TNRC18: variants seen among roughly 807,000 people sequenced by gnomAD.
TNRC18 encodes trinucleotide repeat containing 18.
In TNRC18, 69 loss-of-function variants were observed where a neutral mutation model predicts 226.7. The observed-to-expected ratio is 0.30, with a 90% CI of 0.25 to 0.37. TNRC18 has a LOEUF of 0.37. TNRC18 is among the 10% of genes least tolerant of loss of function. TNRC18 has a pLI of 1.00. For missense variants in TNRC18, 4,754 were observed against 4,256.6 expected, an observed-to-expected ratio of 1.12 and a Z score of -3.25; for synonymous variants, 2,449 against 1,927.6, an observed-to-expected ratio of 1.27 and a Z score of -7.09.
rs545784036 is a variant in TNRC18 at position 5,394,823 on chromosome 7, G to A, written c.188-228C>T. On this transcript the variant is annotated intron_variant, in intron 2 of 29. Coordinates refer to ENST00000430969, the MANE Select transcript of TNRC18 (RefSeq NM_001080495.3). The surrounding 1 kb of genome is among the most constrained non-coding windows in gnomAD (Gnocchi z 4.5). ...CCCAGGGCTTGAGAAAGCACAATAC[G>A]GCAGGAAGCCCCCCACAGCAGACCC... Among the ~76,000 whole-genome samples the A allele has an allele frequency of 1.8e-4, 27 of 152,108 alleles. No individual in the cohort carries two copies. The highest frequency in any genetic ancestry group is 5.5e-4 in the African/African-American group (23 of 41,492).
At chr7:5,385,225 G>T (rs142993123) in intron 5 of TNRC18, among the ~76,000 whole-genome samples, 1 of 152,188 alleles carries the variant, frequency 6.6e-6, no homozygotes, top group Non-Finnish European at 1.5e-5. Context: ...GGTGGCTCAC[G>T]CCTGTAATCC....
intron 16 of TNRC18, among the ~76,000 whole-genome samples, chr7:5,353,067 G>C (rs748455864): frequency 2.0e-5 from 3 of 151,914 alleles, no homozygotes; most frequent in Non-Finnish European, 2.9e-5. Flanking sequence ...CCCAACCTCA[G>C]GATGGTCCGG....
chr7:5,312,479 G>T lies in TNRC18; in HGVS notation c.8388+24C>A. The T allele has an allele frequency of 1.2e-6, 2 of 1,606,880 alleles. No individual in the cohort carries two copies. Among genetic ancestry groups the T allele is most frequent in the Non-Finnish European group, 1.7e-6 (2 of 1,178,120 alleles). The stretch of plus-strand genomic sequence containing the variant: ...ACACAAGGCCCCCGGCCCCTCGGCC[G>T]TGCCCGGGCGCGAGCTTGCTCACCT... On this transcript the variant is annotated intron_variant, in intron 27 of 29. Transcript: ENST00000430969. This position sits in a 1 kb window ranked among gnomAD's most constrained non-coding sequence, Gnocchi z 6.3.
At chr7:5,355,518 A>G (rs867615268) in intron 16 of TNRC18, among the ~76,000 whole-genome samples, 24 of 152,326 alleles carry the variant, frequency 1.6e-4, no homozygotes, top group African/African-American at 5.5e-4. Flanking sequence ...TCGGGAGGCT[A>G]AAGTGGGATG....
chr7:5,360,431 T>C (rs776869367), intron 14 of TNRC18, among the ~76,000 whole-genome samples: 9 of 152,102 alleles, frequency 5.9e-5, no homozygotes, highest in Non-Finnish European at 1.3e-4. Flanking sequence ...GGTTTCTCCA[T>C]GTTGCCCAGG....
chr7:5,323,209 C>T (rs1218393310), intron 21 of TNRC18, among the ~76,000 whole-genome samples: 1 of 152,150 alleles, frequency 6.6e-6, no homozygotes, highest in Non-Finnish European at 1.5e-5. Flanking sequence ...GCTCCCCCAT[C>T]CATACCCACG....
chr7:5,378,819 G>A (rs1394246902), intron 5 of TNRC18, among the ~76,000 whole-genome samples: 1 of 152,104 alleles, frequency 6.6e-6, no homozygotes, highest in Non-Finnish European at 1.5e-5. Context: ...CCAAAAACTA[G>A]CCGGACCTGG....
Position 5,357,222 on chromosome 7 carries a change from G to C in TNRC18, c.4888C>G (p.Leu1630Val). ...ASDQEQLASK[L>V]DKALSLTKQD... ...TTGGTGAGGGAGAGGGCCTTGTCGA[G>C]CTTGCTTGCCAACTGCTCCTGGTCG... Residue 1630 changes from leucine to valine, a missense_variant, in exon 16 of 30, where the codon CTC becomes GTC. Leu to Val is a conservative substitution (Grantham distance 32). Coordinates refer to ENST00000430969, the MANE Select transcript of TNRC18 (RefSeq NM_001080495.3). 1.2e-6 allele frequency: 2 copies of C among 1,612,326 alleles called. No individual in the cohort carries two copies. The highest frequency in any genetic ancestry group is 1.7e-6 in the Non-Finnish European group (2 of 1,179,326).
intron 3 of TNRC18, among the ~76,000 whole-genome samples, chr7:5,393,826 G>A (rs1014030213): frequency 2.4e-4 from 36 of 152,270 alleles, no homozygotes; most frequent in African/African-American, 8.4e-4. Context: ...GGGCATGGCT[G>A]CAGAAATGCA....
intron 17 of TNRC18, among the ~76,000 whole-genome samples, chr7:5,350,870 G>A (rs747685726): frequency 1.8e-4 from 28 of 152,296 alleles, no homozygotes; most frequent in African/African-American, 3.1e-4. Context: ...CGGCAACGGA[G>A]CCGCTTTCGT....
chr7:5,395,275 G>A (rs1295457483), intron 2 of TNRC18, among the ~76,000 whole-genome samples: 1 of 152,176 alleles, frequency 6.6e-6, no homozygotes, highest in Non-Finnish European at 1.5e-5. Flanking sequence ...GATGAATGGA[G>A]CGGCAGGCGT....
At chr7:5,372,537 T>C (rs1583959494) in intron 10 of TNRC18, among the ~76,000 whole-genome samples, 1 of 148,660 alleles carries the variant, frequency 6.7e-6, no homozygotes. Context: ...AGACTCCATC[T>C]CTACTAAAAA....
rs559137846 is a variant in TNRC18 at position 5,362,891 on chromosome 7, C to T, written c.4220-66G>A. 2.5e-5 allele frequency: 35 copies of T among 1,424,606 alleles called. No individual in the cohort carries two copies. In the African/African-American group the frequency reaches 3.2e-4, roughly 13 times the overall value. 88.2% of individuals were successfully genotyped at this position (1,424,606 alleles called of 1,614,324 possible). A position where few individuals can be genotyped will look rare whatever the true frequency, so the allele number is the denominator to read the frequency against. On this transcript the variant is annotated intron_variant, in intron 11 of 29. Transcript: ENST00000430969. Reference sequence around the variant, plus strand: ...CTTCCCCAACCCCAAACGGGGATGCCGAGGCCCAAAGCAAGCGCAGGCCCC... The same window carrying T: ...CTTCCCCAACCCCAAACGGGGATGCTGAGGCCCAAAGCAAGCGCAGGCCCC...
chr7:5,374,354 C>T lies in TNRC18; in HGVS notation c.2930G>A (p.Gly977Asp). 1 of 1,462,466 alleles carries T rather than the reference C, an allele frequency of 6.8e-7. No individual in the cohort carries two copies. The highest frequency in any genetic ancestry group is 9.0e-7 in the Non-Finnish European group (1 of 1,112,836). 90.6% of individuals were successfully genotyped at this position (1,462,466 alleles called of 1,614,324 possible). ...GPGLLPRKPP[G>D]LAAGPAGTYG... ...GGTGCCCGCGGGGCCGGCGGCCAGGCCAGGGGGCTTCCGCGGCAGCAGCCC... is the reference window on the plus strand; with the variant it reads ...GGTGCCCGCGGGGCCGGCGGCCAGGTCAGGGGGCTTCCGCGGCAGCAGCCC... Residue 977 changes from glycine to aspartate, a missense_variant, in exon 10 of 30, where the codon GGC (glycine) becomes GAC (aspartate). Transcript: ENST00000430969.
chr7:5,408,726 G>T (rs1396707001), intron 2 of TNRC18, among the ~76,000 whole-genome samples: 1 of 152,192 alleles, frequency 6.6e-6, no homozygotes, highest in Non-Finnish European at 1.5e-5. Context: ...GGAGAGTGGG[G>T]AAAAGAAACA....
In TNRC18 at chr7:5,419,079, C is replaced by A. The variant is rs1461611646; in HGVS notation, c.187+1981G>T. Among the ~76,000 whole-genome samples, 3 of 152,230 alleles carry A rather than the reference C, an allele frequency of 2.0e-5. No homozygotes were observed. In the East Asian group the frequency reaches 5.8e-4, roughly 29 times the overall value. ...GAAGTCAGGCAGCTCCCAGCGAGCG[C>A]AGAAGGTGCGCAGAGGCAGGGCTCC... is the stretch of plus-strand genomic sequence containing the variant. On this transcript the variant is annotated intron_variant, in intron 2 of 29. Coordinates refer to ENST00000430969, the MANE Select transcript of TNRC18 (RefSeq NM_001080495.3).
chr7:5,332,294 G>A (rs1038852212), intron 19 of TNRC18, among the ~76,000 whole-genome samples: 4 of 152,152 alleles, frequency 2.6e-5, no homozygotes, highest in Admixed American at 6.6e-5. Context: ...TTAGCCAGGT[G>A]CAGTGACATG....
At chr7:5,316,207 G>A (rs1462861982) in intron 24 of TNRC18, 135 bp from the exon 25 acceptor site, 6 of 568,498 alleles carry the variant, frequency 1.1e-5, no homozygotes, top group Non-Finnish European at 1.5e-5. Context: ...CATGGGTGGA[G>A]GGTATACAGC....
Position 5,324,387 on chromosome 7 carries a change from A to G in TNRC18, c.6301-32T>C, listed in dbSNP as rs1195837150. The G allele has an allele frequency of 6.2e-7, 1 of 1,610,866 alleles. No individual in the cohort carries two copies. Among genetic ancestry groups the G allele is most frequent in the Non-Finnish European group, 8.5e-7 (1 of 1,179,164 alleles). ...ACAGAACATGGCCGACAAATGACTT[A>G]GGACCTGAACAGGGGTCCTGCCGGG... On this transcript the variant is annotated intron_variant, in intron 20 of 29. Transcript: ENST00000430969. This position sits in a 1 kb window ranked among gnomAD's most constrained non-coding sequence, Gnocchi z 4.8.
Sources: allele counts gnomAD v4.1 joint callset (sites outside exome capture counted in the v4.1 genomes callset), GRCh38; gene constraint gnomAD v4.1.1; non-coding constraint Gnocchi (gnomAD v3.1); transcripts MANE v1.5; gene names NCBI Gene and HGNC (gene_info 2026-07-23, HGNC 2026-07-21).